The following FAF1 variants were observed in gnomAD, a reference collection of about 807,000 sequenced individuals.
FAF1 encodes the protein FAS-associated factor 1.
FAF1 carries 25 observed loss-of-function variants against 92.5 expected under a neutral mutation model. The observed-to-expected ratio is 0.27, with a 90% confidence interval of 0.20 to 0.38. The LOEUF is 0.38. Among genes scored for constraint, FAF1 ranks in the 10% least tolerant of loss-of-function variants. The pLI, the probability that FAF1 is intolerant of heterozygous loss-of-function variation, is 1.00. For synonymous variants in FAF1, 234 were observed against 273.2 expected, an observed-to-expected ratio of 0.86 and a Z score of 1.42; for missense variants, 636 against 793.3, an observed-to-expected ratio of 0.80 and a Z score of 2.38.
intron 1 of FAF1, among the ~76,000 whole-genome samples, chr1:50,944,658 C>G (rs1338412617): frequency 6.6e-6 from 1 of 152,198 alleles, no homozygotes; most frequent in Admixed American, 6.5e-5. Flanking sequence ...GTATACTCAA[C>G]CAAATAGTCA....
chr1:50,686,580 G>C (rs1044467881), intron 7 of FAF1, among the ~76,000 whole-genome samples: 5 of 142,178 alleles, frequency 3.5e-5, no homozygotes, highest in African/African-American at 7.9e-5. Flanking sequence ...AGGAGGGAAG[G>C]GGAGAGGAGG....
rs1332650562 is a variant in FAF1 at position 50,527,868 on chromosome 1, C to CCTCTCTCT, written c.1494+7493_1494+7500dup. Among the ~76,000 whole-genome samples, 70 of 57,142 alleles carry CCTCTCTCT rather than the reference C, an allele frequency of 1.2e-3. 1 individual carries two copies. Among genetic ancestry groups the CCTCTCTCT allele is most frequent in the African/African-American group, 5.8e-3 (51 of 8,812 alleles). The allele number at this position is 57,142 out of a possible 152,430, so 37.5% of individuals were successfully genotyped here. On this transcript the variant is annotated intron_variant, in intron 15 of 18. Transcript: ENST00000396153. ...CCCTCTCTCCCTCTCTCCCTCTCTC[C>CCTCTCTCT]CTCTCTCTCTCTCTCTCTCTCTGAG...
intron 13 of FAF1, among the ~76,000 whole-genome samples, chr1:50,543,039 A>G (rs2149041988): frequency 6.6e-6 from 1 of 152,352 alleles, no homozygotes; most frequent in South Asian, 2.1e-4. Context: ...AGAGAAATAT[A>G]AACAGAATAT....
At chr1:50,844,746 G>A (rs1644284087) in intron 2 of FAF1, among the ~76,000 whole-genome samples, 1 of 151,814 alleles carries the variant, frequency 6.6e-6, no homozygotes, top group Non-Finnish European at 1.5e-5. Flanking sequence ...GTCACGTTAT[G>A]GGTATGAGAT....
rs181662988 is a variant in FAF1, at chr1:50,757,916, T to A, written c.368-13141A>T. On this transcript the variant is annotated intron_variant, in intron 4 of 18. Transcript: ENST00000396153. ...CACGGTTTCAGTGATTGCTCTAAAG[T>A]TTACAACATAATTTTTTTTTTAATG... Among the ~76,000 whole-genome samples the A allele has an allele frequency of 1.9e-3, 285 of 152,218 alleles. 1 individual carries two copies. Among genetic ancestry groups the A allele is most frequent in the African/African-American group, 6.7e-3 (277 of 41,542 alleles).
intron 17 of FAF1, among the ~76,000 whole-genome samples, chr1:50,479,528 TATG>T (rs1646676524): frequency 6.6e-6 from 1 of 152,216 alleles, no homozygotes; most frequent in Non-Finnish European, 1.5e-5. Flanking sequence ...TCATTTTTGT[TATG>T]ATTATTCCTT....
At chr1:50,621,788 C>T (rs868068267) in intron 8 of FAF1, among the ~76,000 whole-genome samples, 49 of 152,208 alleles carry the variant, frequency 3.2e-4, no homozygotes, top group African/African-American at 7.9e-4. Context: ...GTGTCTATGG[C>T]TAATCTCTGC....
intron 1 of FAF1, among the ~76,000 whole-genome samples, chr1:50,877,438 T>C (rs1164998610): frequency 6.6e-6 from 1 of 152,010 alleles, no homozygotes; most frequent in African/African-American, 2.4e-5. Flanking sequence ...CCTAAGGAAG[T>C]ATAGTAACTA....
intron 4 of FAF1, among the ~76,000 whole-genome samples, chr1:50,763,378 A>C (rs1660436886): frequency 6.6e-6 from 1 of 152,164 alleles, no homozygotes. Context: ...TTTGATAATG[A>C]TGTGCCTTGA....
chr1:50,879,075 G>C (rs771105185), intron 1 of FAF1, among the ~76,000 whole-genome samples: 2 of 152,056 alleles, frequency 1.3e-5, no homozygotes, highest in Non-Finnish European at 2.9e-5. Context: ...GTGAAACCCC[G>C]TCTCTCCTAG....
chr1:50,806,933 A>G (rs1662229362), intron 2 of FAF1, among the ~76,000 whole-genome samples: 1 of 152,210 alleles, frequency 6.6e-6, no homozygotes, highest in Admixed American at 6.5e-5. Flanking sequence ...ATCACCCACA[A>G]TGATGAGAAG....
intron 1 of FAF1, among the ~76,000 whole-genome samples, chr1:50,944,061 C>T (rs1557598944): frequency 6.6e-6 from 1 of 152,138 alleles, no homozygotes. Context: ...TTTGTCCAGG[C>T]CATAAGCCAG....
intron 4 of FAF1, among the ~76,000 whole-genome samples, chr1:50,751,341 T>A (rs140205689): frequency 3.3e-5 from 5 of 152,164 alleles, no homozygotes; most frequent in African/African-American, 1.2e-4. Flanking sequence ...TGTTTGATTG[T>A]TTGTTTGTTT....
chr1:50,882,985 CAAAAAAAA>C (rs536859878), intron 1 of FAF1, among the ~76,000 whole-genome samples: 1 of 67,266 alleles, frequency 1.5e-5, no homozygotes. Context: ...CTCTTGTCTC[CAAAAAAAA>C]AAAAAAAAAC....
intron 8 of FAF1, among the ~76,000 whole-genome samples, chr1:50,625,821 T>C (rs1183914100): frequency 6.6e-6 from 1 of 152,134 alleles, no homozygotes; most frequent in Non-Finnish European, 1.5e-5. Flanking sequence ...GGGAAACCAC[T>C]GAGAGATTTG....
chr1:50,902,276 C>T (rs1307640878), intron 1 of FAF1, among the ~76,000 whole-genome samples: 3 of 152,068 alleles, frequency 2.0e-5, no homozygotes, highest in African/African-American at 7.2e-5. Flanking sequence ...AGCCACTAAC[C>T]ACATGTGACT....
chr1:50,498,849 C>CAAA (rs552247958), intron 15 of FAF1, among the ~76,000 whole-genome samples: 24 of 83,318 alleles, frequency 2.9e-4, no homozygotes, highest in African/African-American at 8.9e-4. Context: ...ACCTCTGTCT[C>CAAA]AAAAAAAAAA....
At chr1:50,624,229 C>A (rs1195957328) in intron 8 of FAF1, among the ~76,000 whole-genome samples, 1 of 152,050 alleles carries the variant, frequency 6.6e-6, no homozygotes, top group African/African-American at 2.4e-5. Flanking sequence ...CTCACTGCAA[C>A]CTTCACCTCC....
intron 15 of FAF1, among the ~76,000 whole-genome samples, chr1:50,509,303 T>A: frequency 6.6e-6 from 1 of 152,106 alleles, no homozygotes; most frequent in East Asian, 1.9e-4. Context: ...TAAAAAAATG[T>A]TAAAATTGGC....
Sources: allele counts gnomAD v4.1 joint callset (sites outside exome capture counted in the v4.1 genomes callset), GRCh38; gene constraint gnomAD v4.1.1; transcripts MANE v1.5; gene names NCBI Gene and HGNC (gene_info 2026-07-23, HGNC 2026-07-21).